CADM2: variants seen among roughly 807,000 people sequenced by gnomAD.
CADM2 encodes cell adhesion molecule 2, also known as immunoglobulin superfamily member 4D.
A neutral mutation model predicts 49.8 loss-of-function variants in CADM2; 12 were observed. That is an observed-to-expected ratio of 0.24 (90% confidence interval 0.15 to 0.39). The LOEUF (loss-of-function observed/expected upper bound fraction) is 0.39. Ranked by LOEUF, CADM2 falls within the 10% of genes least tolerant of loss-of-function variation. The pLI is 1.00. For synonymous variants in CADM2, 214 were observed against 175.4 expected, an observed-to-expected ratio of 1.22 and a Z score of -1.74; for missense variants, 378 against 492.3, an observed-to-expected ratio of 0.77 and a Z score of 2.20.
At chr3:85,916,951 T>C (rs999429097) in intron 6 of CADM2, among the ~76,000 whole-genome samples, 2 of 152,202 alleles carry the variant, frequency 1.3e-5, no homozygotes, top group Non-Finnish European at 2.9e-5. Flanking sequence ...CATGTGTTTT[T>C]TGGCTGCATA....
intron 8 of CADM2, chr3:85,993,826 C>T (rs1729060035): frequency 1.3e-5 from 2 of 151,708 alleles, no homozygotes; most frequent in African/African-American, 4.8e-5. Flanking sequence ...GTCTCAGTCT[C>T]AACATTGAGC....
At chr3:85,483,595 C>T (rs769925826) in intron 1 of CADM2, among the ~76,000 whole-genome samples, 2 of 150,094 alleles carry the variant, frequency 1.3e-5, no homozygotes, top group Non-Finnish European at 3.0e-5. Flanking sequence ...TAATATGTTT[C>T]ACTGGCAAAT....
chr3:85,947,459 A>G (rs952190559), intron 7 of CADM2, among the ~76,000 whole-genome samples: 3 of 151,634 alleles, frequency 2.0e-5, no homozygotes, highest in South Asian at 4.1e-4. Flanking sequence ...GTCTCAATTA[A>G]CTAATTAAAA....
At chr3:85,581,177 G>A (rs2062785572) in intron 1 of CADM2, among the ~76,000 whole-genome samples, 1 of 151,868 alleles carries the variant, frequency 6.6e-6, no homozygotes, top group African/African-American at 2.4e-5. Flanking sequence ...ACGTACATTT[G>A]TCCACATTTG....
At chr3:85,832,716 G>C (rs1044862711) in intron 3 of CADM2, among the ~76,000 whole-genome samples, 1 of 151,892 alleles carries the variant, frequency 6.6e-6, no homozygotes, top group Non-Finnish European at 1.5e-5. Context: ...ATGGAGTCTA[G>C]AGTTTTCTGG....
rs1703394466 is a variant in CADM2, at chr3:86,073,582, G to A, written c.*6799G>A. On this transcript the variant is annotated 3_prime_UTR_variant, in exon 10 of 10. Transcript: ENST00000383699. ...GTTCCCATTTGCACTTCATCTTTCA[G>A]TAAAGTCTTGTCAGAAAAAAATTGT... The A allele has an allele frequency of 1.3e-5, 2 of 151,854 alleles. No individual in the cohort carries two copies. Among genetic ancestry groups the A allele is most frequent in the Admixed American group, 1.3e-4 (2 of 15,236 alleles). The allele number at this position is 151,854 out of a possible 1,614,324, so 9.4% of individuals were successfully genotyped here. A position where few individuals can be genotyped will look rare whatever the true frequency, so the allele number is the denominator to read the frequency against.
At chr3:85,721,185 A>G (rs2067489999) in intron 1 of CADM2, among the ~76,000 whole-genome samples, 1 of 152,208 alleles carries the variant, frequency 6.6e-6, no homozygotes, top group South Asian at 2.1e-4. Flanking sequence ...TTATTTTAAT[A>G]ATTTGTAGTG....
chr3:85,912,373 A>T lies in CADM2; in HGVS notation c.530A>T (p.Asp177Val), dbSNP rs748691442. The T allele has an allele frequency of 1.9e-6, 3 of 1,600,824 alleles. No individual in the cohort carries two copies. Among genetic ancestry groups the T allele is most frequent in the African/African-American group, 1.3e-5 (1 of 74,218 alleles). The change falls in exon 6 of 10, where the codon GAT becomes GTT. Residue 177 changes from aspartate (D) to valine (V), a missense_variant and splice_region_variant. Coordinates refer to ENST00000383699, the MANE Select transcript of CADM2 (RefSeq NM_001167675.2). ...TTTAAAATTCATATTTTATTTTCAG[A>T]TGTAAAATATTTAAAAGAAGAGGAT... ...RWFKNDKEIKDVKYLKEEDAN... is the reference protein window; with the variant it reads ...RWFKNDKEIKVVKYLKEEDAN...
Position 85,886,257 on chromosome 3 carries a change from G to A in CADM2, c.459G>A (p.Leu153=), listed in dbSNP as rs1175521995. The change falls in exon 5 of 10, where the codon CTG becomes CTA. Residue 153 remains leucine (L), a synonymous_variant. Transcript: ENST00000383699. ...SPVMEGDLMQ[L]TCKTSGSKPA... Reference sequence around the variant, plus strand: ...TTATGGAGGGTGACTTGATGCAGCTGACTTGCAAAACATCTGGTAGTAAAC... The same window carrying A: ...TTATGGAGGGTGACTTGATGCAGCTAACTTGCAAAACATCTGGTAGTAAAC... The A allele has an allele frequency of 2.5e-6, 4 of 1,613,882 alleles. No individual in the cohort carries two copies. Among genetic ancestry groups the A allele is most frequent in the East Asian group, 2.2e-5 (1 of 44,834 alleles).
At chr3:85,321,116 A>ATATATATATATT (rs2044596196) in intron 1 of CADM2, among the ~76,000 whole-genome samples, 1 of 27,502 alleles carries the variant, frequency 3.6e-5, no homozygotes, top group Non-Finnish European at 6.5e-5. Flanking sequence ...ATATATATAT[A>ATATATATATATT]TTTTTTTTTT....
At chr3:85,378,779 A>G (rs1415467537) in intron 1 of CADM2, among the ~76,000 whole-genome samples, 4 of 152,002 alleles carry the variant, frequency 2.6e-5, no homozygotes, top group Admixed American at 1.3e-4. Flanking sequence ...TACAGTGTAC[A>G]CTGCTTGGCT....
At chr3:85,861,798 G>A (rs2075544666) in intron 3 of CADM2, among the ~76,000 whole-genome samples, 1 of 151,852 alleles carries the variant, frequency 6.6e-6, no homozygotes, top group Non-Finnish European at 1.5e-5. Context: ...GGGGTGGATA[G>A]AATATTTTGC....
intron 3 of CADM2, among the ~76,000 whole-genome samples, chr3:85,837,928 A>G (rs573055750): frequency 6.6e-6 from 1 of 151,920 alleles, no homozygotes; most frequent in East Asian, 1.9e-4. Context: ...AGCTTCCTCC[A>G]TAGCCCTTAT....
chr3:85,965,799 T>C (rs1271738891), intron 8 of CADM2, among the ~76,000 whole-genome samples: 1 of 151,666 alleles, frequency 6.6e-6, no homozygotes, highest in East Asian at 2.0e-4. Context: ...CATTTTATCA[T>C]GCAAGGTATG....
intron 1 of CADM2, among the ~76,000 whole-genome samples, chr3:85,414,993 G>A (rs1017028845): frequency 6.6e-6 from 1 of 152,092 alleles, no homozygotes; most frequent in African/African-American, 2.4e-5. Context: ...ACGCAAAATG[G>A]AAAGAAACTT....
At chr3:85,448,058 G>C (rs2037553828) in intron 1 of CADM2, among the ~76,000 whole-genome samples, 1 of 152,054 alleles carries the variant, frequency 6.6e-6, no homozygotes, top group Non-Finnish European at 1.5e-5. Context: ...TAGGCCGGCC[G>C]CTGTGGGTCA....
intron 1 of CADM2, among the ~76,000 whole-genome samples, chr3:85,019,009 G>T (rs1393324287): frequency 6.6e-6 from 1 of 152,096 alleles, no homozygotes; most frequent in Non-Finnish European, 1.5e-5. Context: ...TCAACTACCT[G>T]GTTCAGAAGT....
intron 1 of CADM2, among the ~76,000 whole-genome samples, chr3:85,547,097 A>ATG (rs2061684872): frequency 6.6e-6 from 1 of 151,560 alleles, no homozygotes; most frequent in Non-Finnish European, 1.5e-5. Context: ...TTTGATGAAT[A>ATG]TATATATATA....
chr3:85,402,764 A>G (rs1344126043), intron 1 of CADM2, among the ~76,000 whole-genome samples: 1 of 152,182 alleles, frequency 6.6e-6, no homozygotes, highest in Non-Finnish European at 1.5e-5. Flanking sequence ...TAGAAGCTAT[A>G]ATCAAAAACT....
Sources: gnomAD v4.1 joint callset for allele counts (sites outside exome capture counted in the v4.1 genomes callset) on GRCh38, gnomAD v4.1.1 for gene constraint, MANE v1.5 for transcripts, NCBI Gene and HGNC (gene_info 2026-07-23, HGNC 2026-07-21) for gene names.